Variants in ATOSA observed in about 807,000 individuals in gnomAD.
ATOSA encodes atos homolog A, also known as atos homolog protein A.
the ATOSA span, among the ~76,000 whole-genome samples, chr15:52,666,994 A>G: frequency 2.0e-5 from 3 of 152,178 alleles, no homozygotes; most frequent in East Asian, 3.8e-4. Flanking sequence ...CTGAGCGAAG[A>G]TATCAAATAT....
At chr15:52,699,355 C>T in the ATOSA span, among the ~76,000 whole-genome samples, 3 of 152,032 alleles carry the variant, frequency 2.0e-5, no homozygotes, top group Admixed American at 2.0e-4. Context: ...AAAGAAAGGG[C>T]TCCAAGTTCC....
At chr15:52,602,859 C>CA in the ATOSA span, among the ~76,000 whole-genome samples, 1 of 152,190 alleles carries the variant, frequency 6.6e-6, no homozygotes, top group Admixed American at 6.5e-5. Flanking sequence ...GGGAACTGAA[C>CA]CCTAGTGCTA....
At chr15:52,639,062 G>A in the ATOSA span, among the ~76,000 whole-genome samples, 2 of 148,414 alleles carry the variant, frequency 1.3e-5, no homozygotes, top group African/African-American at 2.5e-5. Flanking sequence ...AAGCTCAGAT[G>A]AGTCTTTGCT....
chr15:52,600,109 A>T, the ATOSA span: 1 of 1,356,972 alleles, frequency 7.4e-7, no homozygotes, highest in Non-Finnish European at 1.0e-6. Context: ...TTTAAAGAAC[A>T]GTTTCAAAGC....
chr15:52,593,679 C>A, the ATOSA span: 1 of 1,558,888 alleles, frequency 6.4e-7, no homozygotes, highest in East Asian at 2.4e-5. Context: ...GCCCCTACCT[C>A]GGCAGTAAAA....
chr15:52,647,308 T>TA, the ATOSA span, among the ~76,000 whole-genome samples: 1 of 152,134 alleles, frequency 6.6e-6, no homozygotes, highest in African/African-American at 2.4e-5. Flanking sequence ...GAAACCAGAT[T>TA]AAACCTCTCT....
chr15:52,645,430 C>A, the ATOSA span, among the ~76,000 whole-genome samples: 3 of 149,640 alleles, frequency 2.0e-5, no homozygotes, highest in Admixed American at 2.0e-4. Flanking sequence ...GGCGACAAAG[C>A]AAGACTCCAT....
chr15:52,641,285 G>T, the ATOSA span, among the ~76,000 whole-genome samples: 1 of 152,220 alleles, frequency 6.6e-6, no homozygotes, highest in Non-Finnish European at 1.5e-5. Flanking sequence ...TTACGAGAAA[G>T]GCTGCCAAAA....
chr15:52,640,096 A>G, the ATOSA span, among the ~76,000 whole-genome samples: 2 of 152,066 alleles, frequency 1.3e-5, no homozygotes, highest in South Asian at 4.1e-4. Context: ...ATAAAATACT[A>G]AGAATACAGT....
At chr15:52,622,368 T>C in the ATOSA span, among the ~76,000 whole-genome samples, 1 of 152,154 alleles carries the variant, frequency 6.6e-6, no homozygotes, top group Non-Finnish European at 1.5e-5. Flanking sequence ...CATCTGAGAA[T>C]GGATATTAAG....
the ATOSA span, among the ~76,000 whole-genome samples, chr15:52,702,269 CCA>C: frequency 6.6e-6 from 1 of 152,106 alleles, no homozygotes; most frequent in African/African-American, 2.4e-5. Context: ...AGGTATATAT[CCA>C]GATGAAAAAT....
the ATOSA span, among the ~76,000 whole-genome samples, chr15:52,643,477 C>G: frequency 1.1e-5 from 1 of 91,598 alleles, no homozygotes; most frequent in African/African-American, 2.7e-5. Context: ...TTTGTAGCGA[C>G]AGCATCTCAC....
chr15:52,644,114 T>C, the ATOSA span, among the ~76,000 whole-genome samples: 17 of 151,734 alleles, frequency 1.1e-4, no homozygotes, highest in African/African-American at 3.9e-4. Context: ...TTTGGAAAGA[T>C]GGTCTTTCTA....
the ATOSA span, among the ~76,000 whole-genome samples, chr15:52,593,953 T>C: frequency 0.019 from 2,913 of 152,300 alleles, 99 homozygotes; most frequent in African/African-American, 0.067. Context: ...CCCATCAGTC[T>C]TCTACCATCC....
chr15:52,622,754 C>T, the ATOSA span, among the ~76,000 whole-genome samples: 65 of 151,760 alleles, frequency 4.3e-4, no homozygotes, highest in African/African-American at 1.5e-3. Context: ...AAGGTAGGAA[C>T]GAATGGGTCA....
At chr15:52,600,565 C>A in the ATOSA span, among the ~76,000 whole-genome samples, 1 of 152,068 alleles carries the variant, frequency 6.6e-6, no homozygotes, top group Non-Finnish European at 1.5e-5. Context: ...CAGATTTTAT[C>A]TTTCTTTATA....
chr15:52,705,410 C>T, the ATOSA span, among the ~76,000 whole-genome samples: 703 of 152,098 alleles, frequency 4.6e-3, 9 homozygotes, highest in South Asian at 0.021. Flanking sequence ...ATGTAAATGA[C>T]GAGTTGATGG....
the ATOSA span, among the ~76,000 whole-genome samples, chr15:52,627,846 T>A: frequency 4.6e-5 from 7 of 152,162 alleles, no homozygotes; most frequent in African/African-American, 7.2e-5. Flanking sequence ...GAATTTATAA[T>A]GCCACTTAAT....
chr15:52,685,070 T>C, the ATOSA span, among the ~76,000 whole-genome samples: 3 of 152,378 alleles, frequency 2.0e-5, no homozygotes, highest in African/African-American at 7.2e-5. Context: ...ATGTGGCTAA[T>C]AGAAAATTTA....
Sources: allele counts gnomAD v4.1 joint callset (sites outside exome capture counted in the v4.1 genomes callset), GRCh38; gene constraint gnomAD v4.1.1; transcripts MANE v1.5; gene names NCBI Gene and HGNC (gene_info 2026-07-23, HGNC 2026-07-21).